The following RBFOX1 variants were observed in gnomAD, a reference collection of about 807,000 sequenced individuals.
RBFOX1 encodes the protein RNA binding protein fox-1 homolog 1.
In RBFOX1, 8 loss-of-function variants were observed where a neutral mutation model predicts 57.7. That is an observed-to-expected ratio of 0.14 (90% confidence interval 0.08 to 0.25). The LOEUF is 0.25. Among genes scored for constraint, RBFOX1 ranks in the 10% least tolerant of loss-of-function variants. RBFOX1 has a pLI of 1.00. For synonymous variants in RBFOX1, 326 were observed against 222.4 expected (o/e 1.47, Z -4.15); for missense variants, 611 against 548.5 (o/e 1.11, Z -1.14).
intron 2 of RBFOX1, among the ~76,000 whole-genome samples, chr16:5,565,677 A>C (rs1243952097): frequency 6.9e-6 from 1 of 144,900 alleles, no homozygotes; most frequent in African/African-American, 2.5e-5. Context: ...AATAATTTGC[A>C]AGTCGTTTTC....
chr16:6,628,219 T>C (rs1034959968), intron 2 of RBFOX1, among the ~76,000 whole-genome samples: 3 of 152,206 alleles, frequency 2.0e-5, no homozygotes, highest in Non-Finnish European at 2.9e-5. Flanking sequence ...GGGGTTAGCA[T>C]CTTAGGAATG....
intron 10 of RBFOX1, among the ~76,000 whole-genome samples, chr16:7,615,717 T>G (rs1394669732): frequency 6.6e-6 from 1 of 151,958 alleles, no homozygotes; most frequent in Non-Finnish European, 1.5e-5. Flanking sequence ...ACATCTTGGG[T>G]GGTGGTGGGG....
At chr16:7,498,847 A>G (rs7205442) in intron 4 of RBFOX1, among the ~76,000 whole-genome samples, 1 of 151,948 alleles carries the variant, frequency 6.6e-6, no homozygotes, top group African/African-American at 2.4e-5. Context: ...ACAGAGAGCA[A>G]ATGAGATCGC....
At chr16:5,508,124 G>T (rs751294692) in intron 2 of RBFOX1, among the ~76,000 whole-genome samples, 2 of 152,192 alleles carry the variant, frequency 1.3e-5, no homozygotes, top group African/African-American at 2.4e-5. Context: ...TGCAAACTTG[G>T]CAGCCTAATA....
intron 3 of RBFOX1, among the ~76,000 whole-genome samples, chr16:6,731,108 C>G (rs1374997298): frequency 2.0e-5 from 3 of 152,112 alleles, no homozygotes; most frequent in Non-Finnish European, 4.4e-5. Flanking sequence ...TTATATTCCT[C>G]CCTTGGAAAG....
At chr16:7,066,553 G>A (rs2056088545) in intron 4 of RBFOX1, among the ~76,000 whole-genome samples, 1 of 151,092 alleles carries the variant, frequency 6.6e-6, no homozygotes, top group Non-Finnish European at 1.5e-5. Flanking sequence ...AAAGTTTTAG[G>A]TGCTACCAGT....
intron 3 of RBFOX1, among the ~76,000 whole-genome samples, chr16:5,740,409 C>T (rs978778051): frequency 5.3e-5 from 8 of 152,182 alleles, no homozygotes; most frequent in Non-Finnish European, 8.8e-5. Flanking sequence ...TCAGCTAGTG[C>T]GTATGAAGAC....
At chr16:5,681,590 T>C (rs2050340820) in intron 3 of RBFOX1, among the ~76,000 whole-genome samples, 1 of 151,200 alleles carries the variant, frequency 6.6e-6, no homozygotes, top group Non-Finnish European at 1.5e-5. Flanking sequence ...ACGGACTTTC[T>C]CCATGTTGGT....
At chr16:6,057,564 C>A (rs2095629496) in intron 1 of RBFOX1, among the ~76,000 whole-genome samples, 1 of 150,154 alleles carries the variant, frequency 6.7e-6, no homozygotes, top group African/African-American at 2.5e-5. Context: ...GGGGACAGAC[C>A]AAAAGGGAAA....
chr16:5,834,119 A>T (rs1352903626), intron 3 of RBFOX1, among the ~76,000 whole-genome samples: 1 of 152,178 alleles, frequency 6.6e-6, no homozygotes, highest in Non-Finnish European at 1.5e-5. Flanking sequence ...TATTTTAAGA[A>T]ATTAAGACAA....
intron 4 of RBFOX1, chr16:7,510,222 T>G (rs560030805): frequency 1.0e-6 from 1 of 985,878 alleles, no homozygotes; most frequent in East Asian, 1.1e-4. Context: ...TCGCTCGTAA[T>G]TGAGGCGTGC....
chr16:5,242,829 T>C (rs1388811515), intron 1 of RBFOX1, among the ~76,000 whole-genome samples: 3 of 152,114 alleles, frequency 2.0e-5, no homozygotes, highest in African/African-American at 4.8e-5. Flanking sequence ...TGGGTGTCCC[T>C]TGGAGTGGCT....
intron 2 of RBFOX1, among the ~76,000 whole-genome samples, chr16:6,401,994 C>T (rs534947191): frequency 5.5e-4 from 84 of 151,656 alleles, no homozygotes; most frequent in Non-Finnish European, 9.9e-4. Context: ...GACCAGCTAA[C>T]TGTCGAAACG....
At chr16:7,124,076 C>T (rs1178432472) in intron 4 of RBFOX1, among the ~76,000 whole-genome samples, 1 of 152,144 alleles carries the variant, frequency 6.6e-6, no homozygotes, top group Non-Finnish European at 1.5e-5. Context: ...TTACATGACC[C>T]TCCCAAATGC....
At chr16:5,251,617 C>G (rs905788162) in intron 1 of RBFOX1, among the ~76,000 whole-genome samples, 2 of 152,070 alleles carry the variant, frequency 1.3e-5, no homozygotes, top group African/African-American at 4.8e-5. Context: ...AAAGCCACTT[C>G]CAGGCAAAAC....
intron 4 of RBFOX1, among the ~76,000 whole-genome samples, chr16:7,408,844 G>T (rs1402243101): frequency 1.3e-5 from 2 of 151,374 alleles, no homozygotes; most frequent in Non-Finnish European, 2.9e-5. Flanking sequence ...CCTAAGGCAT[G>T]GGGGCAGGGG....
intron 1 of RBFOX1, among the ~76,000 whole-genome samples, chr16:6,161,261 C>T (rs141746066): frequency 2.1e-3 from 326 of 151,952 alleles, no homozygotes; most frequent in Non-Finnish European, 4.0e-3. Context: ...TGGTGGTGCA[C>T]GCCTGTAATC....
At chr16:7,424,907 A>G (rs1032226244) in intron 4 of RBFOX1, among the ~76,000 whole-genome samples, 2 of 152,310 alleles carry the variant, frequency 1.3e-5, no homozygotes, top group South Asian at 4.1e-4. Context: ...TTGGAGCAGA[A>G]TATAATACAA....
chr16:6,629,394 G>A (rs762747730), intron 2 of RBFOX1, among the ~76,000 whole-genome samples: 23 of 152,210 alleles, frequency 1.5e-4, no homozygotes, highest in Non-Finnish European at 4.4e-5. Flanking sequence ...GGCCCTGAGA[G>A]TACCAACAGC....
Sources: gnomAD v4.1 joint callset for allele counts (sites outside exome capture counted in the v4.1 genomes callset) on GRCh38, gnomAD v4.1.1 for gene constraint, MANE v1.5 for transcripts, NCBI Gene and HGNC (gene_info 2026-07-23, HGNC 2026-07-21) for gene names.